Variants in ZFP57 observed in about 807,000 individuals in gnomAD.
The protein encoded by ZFP57 is zinc finger protein 57 homolog.
Under a neutral mutation model 15.8 loss-of-function variants are expected in ZFP57, and 12 were observed. That is an observed-to-expected ratio of 0.76 (90% CI 0.49 to 1.23). The LOEUF is 1.23. Among genes scored for constraint, ZFP57 ranks in the 50% most tolerant of loss-of-function variants. The pLI is 0.00. For synonymous variants in ZFP57, 203 were observed against 242.3 expected, an observed-to-expected ratio of 0.84 and a Z score of 1.51; for missense variants, 536 against 654.9, an observed-to-expected ratio of 0.82 and a Z score of 1.98.
intron 1 of ZFP57, among the ~76,000 whole-genome samples, chr6:29,678,065 A>G (rs1272706602): frequency 1.3e-5 from 2 of 152,190 alleles, no homozygotes; most frequent in Non-Finnish European, 2.9e-5. Context: ...ATAGCTGGGC[A>G]TAGTGGCACA....
chr6:29,675,934 C>T lies in ZFP57; in HGVS notation c.249G>A (p.Val83=). 6.2e-7 allele frequency: 1 copy of T among 1,613,126 alleles called. No homozygotes were observed. The highest frequency in any genetic ancestry group is 8.5e-7 in the Non-Finnish European group (1 of 1,180,022). The change falls in exon 3 of 5, where the codon GTG becomes GTA. Residue 83 remains valine, a splice_region_variant and synonymous_variant. Coordinates refer to ENST00000376883, the MANE Select transcript of ZFP57 (RefSeq NM_001109809.5). Reference sequence around the variant, plus strand: ...GCTGAGGGAAGCCCAGCCTCTTACCCACAGATGTTAGATTCTTAAAGGTTT... The same window carrying T: ...GCTGAGGGAAGCCCAGCCTCTTACCTACAGATGTTAGATTCTTAAAGGTTT... ...MSETFKNLTS[V]ARIFLHKPEL...
Position 29,672,780 on chromosome 6 carries a change from A to G in ZFP57, c.1331T>C (p.Ile444Thr). Residue 444 changes from isoleucine to threonine, a missense_variant, in exon 5 of 5, where the codon ATC (isoleucine) becomes ACC (threonine). Transcript: ENST00000376883. ...TTTCTCCCCAAAGGAGAGGTCACAG[A>G]TAGGGCAAAGGTAGCTCTTCTGCTT... ...HWKQKSYLCP[I>T]CDLSFGEKEG... is the part of the protein sequence containing the mutation. 6.2e-7 allele frequency: 1 copy of G among 1,613,012 alleles called. No individual in the cohort carries two copies. The highest frequency in any genetic ancestry group is 8.5e-7 in the Non-Finnish European group (1 of 1,180,024).
intron 4 of ZFP57, among the ~76,000 whole-genome samples, chr6:29,674,207 AAAGAAGAAGAAG>A (rs10636075): frequency 0.052 from 7,700 of 146,932 alleles, 411 homozygotes; most frequent in African/African-American, 0.14. Context: ...GAAGAAAAGA[AAAGAAGAAGAAG>A]AAGAAGACGA....
Position 29,676,071 on chromosome 6 carries a change from G to A in ZFP57, c.124-12C>T. The A allele has an allele frequency of 6.5e-7, 1 of 1,548,458 alleles. No homozygotes were observed. The highest frequency in any genetic ancestry group is 8.7e-7 in the Non-Finnish European group (1 of 1,145,256). ...AAGGTGACTGGCTTCTGGAAGAACA[G>A]GAGAGACTCAAGAAGTTTATATAAA... On this transcript the variant is annotated splice_polypyrimidine_tract_variant and intron_variant, in intron 2 of 4. Coordinates refer to ENST00000376883, the MANE Select transcript of ZFP57 (RefSeq NM_001109809.5).
rs1362771214 is a variant in ZFP57 at position 29,673,341 on chromosome 6, C to T, written c.770G>A (p.Arg257Gln). The T allele has an allele frequency of 5.0e-6, 8 of 1,612,834 alleles. No homozygotes were observed. Among genetic ancestry groups the T allele is most frequent in the Admixed American group, 3.3e-5 (2 of 59,980 alleles). ...SRHRRVHLGY[R>Q]PHSCSVCGKS... ...CCCACACACAGAGCATGAATGGGGC[C>T]GGTAACCCAGATGGACGCGGCGGTG... The change falls in exon 5 of 5, where the codon CGG (arginine) becomes CAG (glutamine). Residue 257 changes from arginine to glutamine, a missense_variant. Arg to Gln is a conservative substitution (Grantham distance 43). Coordinates refer to ENST00000376883, the MANE Select transcript of ZFP57 (RefSeq NM_001109809.5). The surrounding 1 kb of genome is among the most constrained non-coding windows in gnomAD (Gnocchi z 4.7).
Position 29,677,128 on chromosome 6 carries a change from G to C in ZFP57, c.-125C>G. On this transcript the variant is annotated 5_prime_UTR_variant, in exon 2 of 5. Transcript: ENST00000376883. ...GGGCAGATGGAGAGGCCCAGCAAAG[G>C]CCCCAGGGTTTGATGTGGCTTCCTG... 1 of 1,412,516 alleles carries C rather than the reference G, an allele frequency of 7.1e-7. No homozygotes were observed. The highest frequency in any genetic ancestry group is 1.2e-5 in the South Asian group (1 of 86,214). 87.5% of individuals were successfully genotyped at this position (1,412,516 alleles called of 1,614,324 possible). A position where few individuals can be genotyped will look rare whatever the true frequency, so the allele number is the denominator to read the frequency against.
intron 1 of ZFP57, among the ~76,000 whole-genome samples, chr6:29,680,571 C>T (rs1441171826): frequency 6.6e-6 from 1 of 152,178 alleles, no homozygotes; most frequent in Non-Finnish European, 1.5e-5. Context: ...ACCAGATCGC[C>T]GCCCTGGTGG....
At position 29,675,992 on chromosome 6, in the gene ZFP57, C is replaced by G. The variant is rs1325682251; in HGVS notation, c.191G>C (p.Ser64Thr). 6.2e-7 allele frequency: 1 copy of G among 1,613,524 alleles called. No individual in the cohort carries two copies. The highest frequency in any genetic ancestry group is 8.5e-7 in the Non-Finnish European group (1 of 1,180,000). Residue 64 changes from serine to threonine, a missense_variant, in exon 3 of 5, where the codon AGC becomes ACC. Transcript: ENST00000376883. ...AACATCCTGGTAAAGGACCCTCTGG[C>G]TGGCATCTAGACAGTCCCACTCTTC... is the stretch of plus-strand genomic sequence containing the variant. ...TQEEWDCLDA[S>T]QRVLYQDVMS...
intron 1 of ZFP57, among the ~76,000 whole-genome samples, chr6:29,677,835 C>A (rs1490625138): frequency 6.6e-6 from 1 of 151,824 alleles, no homozygotes; most frequent in Non-Finnish European, 1.5e-5. Flanking sequence ...GTAGTAGTTC[C>A]CCTTTATCAT....
In ZFP57 at chr6:29,675,970, A is replaced by G; in HGVS notation, c.213T>C (p.Asp71=). 3.1e-6 allele frequency: 5 copies of G among 1,613,384 alleles called. No individual in the cohort carries two copies. In the South Asian group the frequency reaches 4.4e-5, roughly 14 times the overall value. The change falls in exon 3 of 5, where the codon GAT becomes GAC. Residue 71 remains aspartate (D), a synonymous_variant. Transcript: ENST00000376883. ...LDASQRVLYQ[D]VMSETFKNLT... ...GATTCTTAAAGGTTTCCGACATAAC[A>G]TCCTGGTAAAGGACCCTCTGGCTGG... is the stretch of plus-strand genomic sequence containing the variant.
chr6:29,679,943 G>A (rs149282464), intron 1 of ZFP57, among the ~76,000 whole-genome samples: 5 of 151,924 alleles, frequency 3.3e-5, no homozygotes, highest in Admixed American at 6.6e-5. Context: ...GTGCCCTCAA[G>A]AACCTGGCCT....
chr6:29,676,473 T>TAGC (rs1030160558), intron 2 of ZFP57, among the ~76,000 whole-genome samples: 1 of 134,096 alleles, frequency 7.5e-6, no homozygotes, highest in Non-Finnish European at 1.5e-5. Context: ...GAGGCAGAGG[T>TAGC]AGCAGTGAGC....
At chr6:29,675,904 G>C in intron 3 of ZFP57, 29 bp downstream of exon 3, 1 of 1,612,954 alleles carries the variant, frequency 6.2e-7, no homozygotes, top group Non-Finnish European at 8.5e-7. Context: ...TAGGACAGGG[G>C]GCTTGCTGAG....
intron 1 of ZFP57, among the ~76,000 whole-genome samples, chr6:29,678,980 CTG>C (rs1221543870): frequency 1.3e-5 from 2 of 152,172 alleles, no homozygotes; most frequent in East Asian, 3.8e-4. Context: ...TGAGCCAAGA[CTG>C]TGCCACTGTA....
chr6:29,675,602 A>G (rs1008273966), intron 3 of ZFP57, 115 bp from the exon 4 acceptor site: 8 of 900,470 alleles, frequency 8.9e-6, no homozygotes, highest in African/African-American at 8.2e-5. Flanking sequence ...AACCTGGGAC[A>G]TGTAGATGCG....
chr6:29,673,835 T>A lies in ZFP57; in HGVS notation c.353-77A>T, dbSNP rs1198080802. 6.3e-7 allele frequency: 1 copy of A among 1,577,780 alleles called. No individual in the cohort carries two copies. Among genetic ancestry groups the A allele is most frequent in the Non-Finnish European group, 8.7e-7 (1 of 1,149,992 alleles). On this transcript the variant is annotated intron_variant, in intron 4 of 4. Transcript: ENST00000376883. The surrounding 1 kb of genome is among the most constrained non-coding windows in gnomAD (Gnocchi z 4.7). ...GAGGCTTGGCATGGTGGCTCACACC[T>A]GTAATCCCAGCACTTTGGGAGGCCG...
chr6:29,675,475 A>G lies in ZFP57; in HGVS notation c.263T>C (p.Leu88Pro). Residue 88 changes from leucine to proline, a missense_variant, in exon 4 of 5, where the codon CTG becomes CCG. Leu to Pro is a moderately conservative substitution (Grantham distance 98, BLOSUM62 -3). Transcript: ENST00000376883. ...CTTGGTGATTAGCTCTGGCTTATGCAGAAAGATTCTGGCTGATGTGTGGGA... is the reference window on the plus strand; with the variant it reads ...CTTGGTGATTAGCTCTGGCTTATGCGGAAAGATTCTGGCTGATGTGTGGGA... ...KNLTSVARIF[L>P]HKPELITKLE... 1.2e-6 allele frequency: 2 copies of G among 1,614,126 alleles called. No individual in the cohort carries two copies. Among genetic ancestry groups the G allele is most frequent in the Non-Finnish European group, 8.5e-7 (1 of 1,179,986 alleles).
chr6:29,679,789 C>A (rs1772246476), intron 1 of ZFP57, among the ~76,000 whole-genome samples: 1 of 152,100 alleles, frequency 6.6e-6, no homozygotes, highest in Non-Finnish European at 1.5e-5. Context: ...GAGGCTGAGG[C>A]AGGAGAATCG....
At position 29,673,326 on chromosome 6, in the gene ZFP57, G is replaced by C. The variant is rs1488848205; in HGVS notation, c.785C>G (p.Ser262Cys). 17 of 1,612,928 alleles carry C rather than the reference G, an allele frequency of 1.1e-5. No individual in the cohort carries two copies. Among genetic ancestry groups the C allele is most frequent in the East Asian group, 2.2e-5 (1 of 44,892 alleles). The change falls in exon 5 of 5, where the codon TCT becomes TGT. Residue 262 changes from serine (S) to cysteine (C), a missense_variant. Ser to Cys is a moderately radical substitution (Grantham distance 112). Transcript: ENST00000376883. The surrounding 1 kb of genome is among the most constrained non-coding windows in gnomAD (Gnocchi z 4.7). Reference sequence around the variant, plus strand: ...GTCCCGGAAGCTCTTCCCACACACAGAGCATGAATGGGGCCGGTAACCCAG... The same window carrying C: ...GTCCCGGAAGCTCTTCCCACACACACAGCATGAATGGGGCCGGTAACCCAG... ...VHLGYRPHSC[S>C]VCGKSFRDQS...
Sources: allele counts gnomAD v4.1 joint callset (sites outside exome capture counted in the v4.1 genomes callset), GRCh38; gene constraint gnomAD v4.1.1; non-coding constraint Gnocchi (gnomAD v3.1); transcripts MANE v1.5; gene names NCBI Gene and HGNC (gene_info 2026-07-23, HGNC 2026-07-21).